The following FOXP1 variants were observed in gnomAD, a reference collection of about 807,000 sequenced individuals.
FOXP1 encodes the protein forkhead box protein P1.
A neutral mutation model predicts 98.2 loss-of-function variants in FOXP1; 15 were observed. The observed-to-expected ratio is 0.15, with a 90% CI of 0.10 to 0.24. FOXP1 has a LOEUF of 0.24. Among genes scored for constraint, FOXP1 ranks in the 10% least tolerant of loss-of-function variants. The pLI is 1.00. For synonymous variants in FOXP1, 371 were observed against 314.5 expected, an observed-to-expected ratio of 1.18 and a Z score of -1.90; for missense variants, 633 against 848.5, an observed-to-expected ratio of 0.75 and a Z score of 3.15.
intron 6 of FOXP1, among the ~76,000 whole-genome samples, chr3:71,195,233 T>A (rs2063227124): frequency 6.6e-6 from 1 of 152,184 alleles, no homozygotes; most frequent in African/African-American, 2.4e-5. Flanking sequence ...TAAGCCAACC[T>A]ATAAACAAAA....
At chr3:71,468,044 GTTA>G (rs1006948504) in intron 3 of FOXP1, among the ~76,000 whole-genome samples, 55 of 151,994 alleles carry the variant, frequency 3.6e-4, no homozygotes, top group African/African-American at 1.3e-3. Flanking sequence ...TCACAGCATT[GTTA>G]AATATAAGAT....
chr3:71,048,197 T>G (rs2049304550), intron 9 of FOXP1, among the ~76,000 whole-genome samples: 1 of 151,906 alleles, frequency 6.6e-6, no homozygotes, highest in Non-Finnish European at 1.5e-5. Context: ...TAATTCTGAG[T>G]ATGATTCAAA....
At chr3:71,494,944 AAAAAG>A (rs2107080800) in intron 2 of FOXP1, among the ~76,000 whole-genome samples, 1 of 152,182 alleles carries the variant, frequency 6.6e-6, no homozygotes, top group South Asian at 2.1e-4. Context: ...AAGAAAAAAG[AAAAAG>A]AAAAGAAATG....
chr3:71,271,482 C>T (rs2070343417), intron 5 of FOXP1, among the ~76,000 whole-genome samples: 1 of 152,134 alleles, frequency 6.6e-6, no homozygotes, highest in Admixed American at 6.5e-5. Context: ...TACCAGATTT[C>T]AGGAAAAAAG....
chr3:71,576,972 T>C (rs9828619), intron 2 of FOXP1, among the ~76,000 whole-genome samples: 85,964 of 151,976 alleles, frequency 0.57, 25,521 homozygotes, highest in Non-Finnish European at 0.63. Flanking sequence ...TATTAAAGAC[T>C]GGCATCAGGG....
At chr3:71,457,554 C>T (rs544541461) in intron 3 of FOXP1, among the ~76,000 whole-genome samples, 2 of 152,294 alleles carry the variant, frequency 1.3e-5, no homozygotes, top group East Asian at 3.9e-4. Flanking sequence ...ACCAAAAGGA[C>T]TCAGGAGTGT....
At chr3:71,339,787 G>A (rs748000404) in intron 4 of FOXP1, among the ~76,000 whole-genome samples, 5 of 152,238 alleles carry the variant, frequency 3.3e-5, no homozygotes, top group Middle Eastern at 3.4e-3. Context: ...TGACAAAGAC[G>A]ATAATTCCTC....
intron 4 of FOXP1, among the ~76,000 whole-genome samples, chr3:71,349,146 G>T (rs1169440398): frequency 6.7e-6 from 1 of 149,168 alleles, no homozygotes; most frequent in Non-Finnish European, 1.5e-5. Context: ...CATCATATTT[G>T]TATAATCAAG....
chr3:71,329,025 A>G (rs1468044155), intron 4 of FOXP1, among the ~76,000 whole-genome samples: 1 of 147,410 alleles, frequency 6.8e-6, no homozygotes, highest in Non-Finnish European at 1.5e-5. Flanking sequence ...AGAATGGCCA[A>G]ATTGGCTCAG....
At chr3:70,972,795 C>T (rs1199931465) in intron 17 of FOXP1, 119 bp from the exon 18 acceptor site, 7 of 998,708 alleles carry the variant, frequency 7.0e-6, no homozygotes, top group South Asian at 1.5e-5. Context: ...GCTGTAGCTA[C>T]CACCCCCGTG....
chr3:71,578,690 A>C (rs768435224), intron 2 of FOXP1, among the ~76,000 whole-genome samples: 5 of 152,212 alleles, frequency 3.3e-5, no homozygotes, highest in African/African-American at 4.8e-5. Flanking sequence ...CTGCAATATA[A>C]ATATATTTGA....
At chr3:71,372,156 G>A in intron 3 of FOXP1, among the ~76,000 whole-genome samples, 1 of 150,278 alleles carries the variant, frequency 6.7e-6, no homozygotes, top group Admixed American at 6.7e-5. Context: ...GGGATTACAA[G>A]CATGCACCAC....
At chr3:71,472,362 A>G (rs2089439605) in intron 3 of FOXP1, among the ~76,000 whole-genome samples, 1 of 152,202 alleles carries the variant, frequency 6.6e-6, no homozygotes. Flanking sequence ...TACAAAAATG[A>G]TTGACCAAAA....
intron 7 of FOXP1, among the ~76,000 whole-genome samples, chr3:71,055,693 T>C (rs1262764479): frequency 6.6e-6 from 1 of 152,212 alleles, no homozygotes; most frequent in East Asian, 1.9e-4. Flanking sequence ...TAAGTATCTT[T>C]TGGGTGCCAA....
intron 2 of FOXP1, among the ~76,000 whole-genome samples, chr3:71,537,351 G>C (rs769883684): frequency 1.3e-5 from 2 of 152,342 alleles, no homozygotes; most frequent in East Asian, 3.9e-4. Flanking sequence ...CAAGGTGGTG[G>C]ATTTGTTTTT....
intron 4 of FOXP1, among the ~76,000 whole-genome samples, chr3:71,340,510 C>A (rs762425099): frequency 6.6e-6 from 1 of 152,094 alleles, no homozygotes; most frequent in Admixed American, 6.5e-5. Context: ...GATTTAGCAA[C>A]AAGAAAATTG....
In FOXP1 at chr3:71,434,699, C is replaced by T. The variant is rs549161923; in HGVS notation, c.-168+58727G>A. Among the ~76,000 whole-genome samples the T allele has an allele frequency of 3.4e-5, 5 of 147,982 alleles. No homozygotes were observed. In the South Asian group the frequency reaches 1.1e-3, roughly 31 times the overall value. ...GGATGGAGGGAGGTGAGGAGTTAGACTTAAATGGTGTAGAGTAGAGTTCTT... is the reference window on the plus strand; with the variant it reads ...GGATGGAGGGAGGTGAGGAGTTAGATTTAAATGGTGTAGAGTAGAGTTCTT... On this transcript the variant is annotated intron_variant, in intron 3 of 20. Transcript: ENST00000649528.
chr3:71,402,680 T>C (rs2082029324), intron 3 of FOXP1, among the ~76,000 whole-genome samples: 1 of 152,242 alleles, frequency 6.6e-6, no homozygotes, highest in South Asian at 2.1e-4. Flanking sequence ...CAGAAAAGGC[T>C]ACCTGTGTAC....
At chr3:71,210,318 T>C (rs933523298) in intron 5 of FOXP1, among the ~76,000 whole-genome samples, 3 of 152,200 alleles carry the variant, frequency 2.0e-5, no homozygotes, top group Non-Finnish European at 4.4e-5. Flanking sequence ...TTGTCTTTCA[T>C]GTTTTTGTTT....
Sources: gnomAD v4.1 joint callset for allele counts (sites outside exome capture counted in the v4.1 genomes callset) on GRCh38, gnomAD v4.1.1 for gene constraint, MANE v1.5 for transcripts, NCBI Gene and HGNC (gene_info 2026-07-23, HGNC 2026-07-21) for gene names.